The following DOCK2 variants were observed in gnomAD, a reference collection of about 807,000 sequenced individuals.
DOCK2 encodes dedicator of cytokinesis protein 2.
Under a neutral mutation model 248.9 loss-of-function variants are expected in DOCK2, and 87 were observed. The observed-to-expected ratio is 0.35, with a 90% CI of 0.29 to 0.42. The LOEUF is 0.42. DOCK2 is among the 10% of genes least tolerant of loss of function. DOCK2 has a pLI of 1.00. For synonymous variants in DOCK2, 805 were observed against 821.6 expected (o/e 0.98, Z 0.35); for missense variants, 1,747 against 2,300.2 (o/e 0.76, Z 4.92).
At chr5:169,778,511 A>C (rs187398215) in intron 25 of DOCK2, among the ~76,000 whole-genome samples, 1 of 152,354 alleles carries the variant, frequency 6.6e-6, no homozygotes, top group East Asian at 1.9e-4. Flanking sequence ...AAAGTCAGGA[A>C]GGCAACACCT....
intron 27 of DOCK2, among the ~76,000 whole-genome samples, chr5:169,857,268 G>A (rs1451546439): frequency 6.6e-6 from 1 of 152,182 alleles, no homozygotes; most frequent in Non-Finnish European, 1.5e-5. Flanking sequence ...ATATGGTAAG[G>A]CAGTATCTGG....
chr5:169,977,830 T>C (rs962164684), intron 27 of DOCK2, among the ~76,000 whole-genome samples: 1 of 152,174 alleles, frequency 6.6e-6, no homozygotes, highest in Non-Finnish European at 1.5e-5. Context: ...GAATAGGTTT[T>C]AGAGTCCCTG....
chr5:169,893,351 A>G (rs1773406774), intron 27 of DOCK2, among the ~76,000 whole-genome samples: 1 of 152,196 alleles, frequency 6.6e-6, no homozygotes. Flanking sequence ...CCAGCTTCTC[A>G]TAGAAGAAAG....
At chr5:170,079,426 G>A (rs1250197486) in intron 49 of DOCK2, 1 of 357,134 alleles carries the variant, frequency 2.8e-6, no homozygotes, top group Non-Finnish European at 5.4e-6. Context: ...GGCTTTTCCA[G>A]GCTGGGGAGA....
rs955192151 is a variant in DOCK2, at chr5:169,640,632, T to C, written c.43+3263T>C. Among the ~76,000 whole-genome samples, 4 of 152,178 alleles carry C rather than the reference T, an allele frequency of 2.6e-5. No homozygotes were observed. The East Asian group carries it at 5.8e-4, about 22-fold the overall frequency. ...TTTTAGGCCTCCAAGGGCAGCAAAC[T>C]GTGGGAAGGGAAATATATGGGGAAT... On this transcript the variant is annotated intron_variant, in intron 1 of 51. Coordinates refer to ENST00000520908, the MANE Select transcript of DOCK2 (RefSeq NM_004946.3).
intron 27 of DOCK2, among the ~76,000 whole-genome samples, chr5:169,929,876 C>T (rs1775663012): frequency 1.3e-5 from 2 of 152,054 alleles, no homozygotes; most frequent in South Asian, 2.1e-4. Flanking sequence ...TTTTGTGCTC[C>T]AATATGGTAG....
intron 5 of DOCK2, 76 bp downstream of exon 5, chr5:169,671,250 A>C: frequency 7.1e-7 from 1 of 1,411,984 alleles, no homozygotes; most frequent in South Asian, 1.2e-5. Flanking sequence ...TCATTTTAGC[A>C]TTGAGTCAGG....
chr5:169,939,296 C>T (rs567973785), intron 27 of DOCK2, among the ~76,000 whole-genome samples: 1 of 152,030 alleles, frequency 6.6e-6, no homozygotes, highest in African/African-American at 2.4e-5. Flanking sequence ...TCAGGACCCT[C>T]CCTATCACTG....
chr5:170,014,667 A>G (rs1233259911), intron 32 of DOCK2, among the ~76,000 whole-genome samples: 2 of 149,252 alleles, frequency 1.3e-5, no homozygotes, highest in Non-Finnish European at 3.0e-5. Context: ...GGGGGGGTCC[A>G]GGAGAGGGAA....
chr5:170,050,435 T>C, intron 41 of DOCK2, 38 bp downstream of exon 41: 1 of 1,591,822 alleles, frequency 6.3e-7, no homozygotes, highest in Non-Finnish European at 8.5e-7. Context: ...GGGCCAGACC[T>C]GAGCAGCCCT....
At chr5:169,896,372 C>T (rs1399367374) in intron 27 of DOCK2, among the ~76,000 whole-genome samples, 2 of 152,154 alleles carry the variant, frequency 1.3e-5, no homozygotes, top group Non-Finnish European at 2.9e-5. Context: ...AGCTTGCATT[C>T]TGAAAACAGA....
At chr5:169,826,283 G>C (rs1167604776) in intron 26 of DOCK2, among the ~76,000 whole-genome samples, 7 of 152,174 alleles carry the variant, frequency 4.6e-5, no homozygotes, top group African/African-American at 1.4e-4. Flanking sequence ...TGGAAGTTTG[G>C]AGTGGTTGAG....
intron 30 of DOCK2, among the ~76,000 whole-genome samples, chr5:170,008,225 CA>C (rs60090712): frequency 0.28 from 31,600 of 113,688 alleles, 3,829 homozygotes; most frequent in East Asian, 0.39. Context: ...ACAACAACAA[CA>C]AAAAAAAAAA....
At chr5:170,062,485 C>T (rs1368341652) in intron 44 of DOCK2, among the ~76,000 whole-genome samples, 1 of 152,114 alleles carries the variant, frequency 6.6e-6, no homozygotes, top group Admixed American at 6.5e-5. Context: ...ATGCACCCTG[C>T]TCTGACACTG....
chr5:169,946,977 G>A (rs990541962), intron 27 of DOCK2, among the ~76,000 whole-genome samples: 10 of 152,154 alleles, frequency 6.6e-5, no homozygotes, highest in African/African-American at 2.2e-4. Context: ...GGAATGGAAT[G>A]AAGGCCAGGG....
chr5:170,071,230 G>T (rs1182108689), intron 46 of DOCK2, among the ~76,000 whole-genome samples: 1 of 152,184 alleles, frequency 6.6e-6, no homozygotes. Context: ...GTTTGTTCTT[G>T]CAACTTATAT....
intron 5 of DOCK2, among the ~76,000 whole-genome samples, chr5:169,673,121 T>C (rs1759129067): frequency 6.6e-6 from 1 of 152,116 alleles, no homozygotes; most frequent in Non-Finnish European, 1.5e-5. Flanking sequence ...TCCCAGAGGT[T>C]GGGGTGGGGC....
At chr5:169,910,487 G>C (rs924810838) in intron 27 of DOCK2, among the ~76,000 whole-genome samples, 1 of 152,106 alleles carries the variant, frequency 6.6e-6, no homozygotes, top group Admixed American at 6.5e-5. Flanking sequence ...GGTTGGAGGC[G>C]TGCTTACCTT....
chr5:169,859,958 CT>C (rs759586059), intron 27 of DOCK2, among the ~76,000 whole-genome samples: 46,229 of 106,772 alleles, frequency 0.43, 6,945 homozygotes, highest in South Asian at 0.52. Flanking sequence ...GTGGATCCTT[CT>C]TTTTTTTTTT....
Sources: gnomAD v4.1 joint callset for allele counts (sites outside exome capture counted in the v4.1 genomes callset) on GRCh38, gnomAD v4.1.1 for gene constraint, MANE v1.5 for transcripts, NCBI Gene and HGNC (gene_info 2026-07-23, HGNC 2026-07-21) for gene names.